ATXN7: variants seen among roughly 807,000 people sequenced by gnomAD.
ATXN7 encodes the protein ataxin 7, also known as ataxin-7.
In ATXN7, 12 loss-of-function variants were observed where a neutral mutation model predicts 70.5. That is an observed-to-expected ratio of 0.17 (90% confidence interval 0.11 to 0.28). ATXN7 has a LOEUF of 0.28. ATXN7 is among the 10% of genes least tolerant of loss of function. The pLI, the probability that ATXN7 is intolerant of heterozygous loss-of-function variation, is 1.00. For missense variants in ATXN7, 1,256 were observed against 1,131.7 expected (o/e 1.11, Z -1.58); for synonymous variants, 498 against 448.7 (o/e 1.11, Z -1.39).
intron 5 of ATXN7, among the ~76,000 whole-genome samples, chr3:63,973,076 A>C (rs2075339831): frequency 6.6e-6 from 1 of 152,164 alleles, no homozygotes; most frequent in South Asian, 2.1e-4. Flanking sequence ...TAGGCTTGGC[A>C]ACTGAAGACG....
chr3:63,980,599 T>C (rs1201354487), intron 6 of ATXN7: 2 of 181,970 alleles, frequency 1.1e-5, no homozygotes, highest in Non-Finnish European at 2.4e-5. Flanking sequence ...CTGTAGGGGT[T>C]TGGGCAAGGC....
chr3:63,979,907 G>C lies in ATXN7; in HGVS notation c.500-8G>C, dbSNP rs56015875. On this transcript the variant is annotated splice_region_variant and splice_polypyrimidine_tract_variant and intron_variant, in intron 5 of 12. Coordinates refer to ENST00000674280, the MANE Select transcript of ATXN7 (RefSeq NM_001377405.1). ...ATGATGTCTTTTTTTCTTTGCTTTC[G>C]TTTTCAGAAAGAAGACATAGCTCAT... 6.2e-7 allele frequency: 1 copy of C among 1,610,830 alleles called. No homozygotes were observed. Among genetic ancestry groups the C allele is most frequent in the Non-Finnish European group, 8.5e-7 (1 of 1,178,378 alleles).
At chr3:63,909,381 C>T (rs1327453266) in intron 2 of ATXN7, among the ~76,000 whole-genome samples, 1 of 152,104 alleles carries the variant, frequency 6.6e-6, no homozygotes, top group Non-Finnish European at 1.5e-5. Flanking sequence ...GCCTGGGCAA[C>T]ATAGTGAGAC....
intron 12 of ATXN7, among the ~76,000 whole-genome samples, chr3:63,996,855 G>A (rs771922987): frequency 2.0e-5 from 3 of 152,192 alleles, no homozygotes; most frequent in Non-Finnish European, 4.4e-5. Flanking sequence ...TGCCATTCGA[G>A]GCTTTAAGGA....
Position 63,991,481 on chromosome 3 carries a change from T to C in ATXN7, c.1682+622T>C, listed in dbSNP as rs186913224. 2.1e-4 allele frequency among the ~76,000 whole-genome samples: 32 copies of C among 152,096 alleles called. 2 individuals carry two copies. The East Asian group carries it at 6.0e-3, about 29-fold the overall frequency. On this transcript the variant is annotated intron_variant, in intron 11 of 12. Transcript: ENST00000674280. ...CTGAAGAAAGAGGCAGTCCTTGAAC[T>C]GAGAAGGATGGATGAGAAACAGCAG...
chr3:63,893,820 C>CTGT (rs1703360435), intron 1 of ATXN7, among the ~76,000 whole-genome samples: 3 of 86,720 alleles, frequency 3.5e-5, no homozygotes, highest in African/African-American at 9.2e-5. Flanking sequence ...GAGGGGAATA[C>CTGT]AGTAGCACCA....
At chr3:63,987,590 G>A (rs1242915577) in intron 8 of ATXN7, among the ~76,000 whole-genome samples, 1 of 152,112 alleles carries the variant, frequency 6.6e-6, no homozygotes, top group African/African-American at 2.4e-5. Context: ...TTATTCTGTG[G>A]AAGTTACTAA....
intron 1 of ATXN7, chr3:63,878,446 T>G (rs1206102911): frequency 6.6e-6 from 1 of 152,250 alleles, no homozygotes; most frequent in East Asian, 1.9e-4. Flanking sequence ...AAGGTGTCGT[T>G]TCTGCTCCCA....
At position 63,912,643 on chromosome 3, in the gene ATXN7, CGCGGCGGCGGCGGCGGGCGGAGCA is replaced by C; in HGVS notation, c.51_74del (p.Gly21_Ala28del). On this transcript the variant is annotated inframe_deletion, in exon 3 of 13. Transcript: ENST00000674280. ...ATGACGTCAGGGGGGAGCCGCGCCG[CGCGGCGGCGGCGGCGGGCGGAGCA>C]GCGGCCGCGGCCGCCCGGCAGCAGC... 9.7e-7 allele frequency: 1 copy of C among 1,027,610 alleles called. No homozygotes were observed. The highest frequency in any genetic ancestry group is 1.2e-6 in the Non-Finnish European group (1 of 847,986). 63.7% of individuals were successfully genotyped at this position (1,027,610 alleles called of 1,614,324 possible).
intron 4 of ATXN7, among the ~76,000 whole-genome samples, chr3:63,949,009 AT>A (rs1233787563): frequency 2.0e-5 from 3 of 152,184 alleles, no homozygotes; most frequent in South Asian, 2.1e-4. Context: ...TAATGAATTC[AT>A]TTTTATTAAT....
intron 9 of ATXN7, among the ~76,000 whole-genome samples, chr3:63,989,095 G>T (rs924234140): frequency 3.9e-5 from 6 of 152,202 alleles, no homozygotes; most frequent in African/African-American, 1.4e-4. Flanking sequence ...TAAAATGGTT[G>T]CATAAAGGTG....
chr3:64,003,360 G>T lies in ATXN7; in HGVS notation c.*3893G>T, dbSNP rs2106824158. The stretch of plus-strand genomic sequence containing the variant: ...TATAGAACATGAACAAATGTCAAGG[G>T]ATAGAAAATTACTTTGGATATTTAA... On this transcript the variant is annotated 3_prime_UTR_variant, in exon 13 of 13. Transcript: ENST00000674280. 1 of 152,000 alleles carries T rather than the reference G, an allele frequency of 6.6e-6. No individual in the cohort carries two copies. The highest frequency in any genetic ancestry group is 2.1e-4 in the South Asian group (1 of 4,818). 9.4% of individuals were successfully genotyped at this position (152,000 alleles called of 1,614,324 possible).
At chr3:63,950,963 C>G (rs755981961) in intron 4 of ATXN7, among the ~76,000 whole-genome samples, 6 of 152,108 alleles carry the variant, frequency 3.9e-5, no homozygotes, top group African/African-American at 1.4e-4. Flanking sequence ...GTAAGAAATC[C>G]AAGCCACATT....
At chr3:63,979,627 AAAAGGCAATATT>A (rs1159969104) in intron 5 of ATXN7, among the ~76,000 whole-genome samples, 1 of 152,298 alleles carries the variant, frequency 6.6e-6, no homozygotes, top group East Asian at 1.9e-4. Context: ...CGCAAAACCC[AAAAGGCAATATT>A]CTCATGTTTA....
intron 5 of ATXN7, among the ~76,000 whole-genome samples, chr3:63,961,529 G>T (rs2075131476): frequency 6.6e-6 from 1 of 152,020 alleles, no homozygotes; most frequent in Non-Finnish European, 1.5e-5. Context: ...TCTGATTTGG[G>T]TTGCCACAAT....
chr3:63,911,253 A>G (rs2107291502), intron 2 of ATXN7, among the ~76,000 whole-genome samples: 1 of 152,302 alleles, frequency 6.6e-6, no homozygotes, highest in Admixed American at 6.5e-5. Flanking sequence ...GTGGTCTGCT[A>G]CTGTTTCAAG....
intron 4 of ATXN7, among the ~76,000 whole-genome samples, chr3:63,925,750 G>A (rs1023185962): frequency 2.0e-5 from 3 of 152,158 alleles, no homozygotes; most frequent in East Asian, 1.9e-4. Flanking sequence ...CAGAGCACTG[G>A]GGTGAAGAAG....
intron 5 of ATXN7, among the ~76,000 whole-genome samples, chr3:63,977,416 C>T (rs777074060): frequency 2.0e-5 from 3 of 152,124 alleles, no homozygotes; most frequent in Non-Finnish European, 4.4e-5. Flanking sequence ...CTAGAGTGTA[C>T]TTCTTAAAAG....
intron 4 of ATXN7, among the ~76,000 whole-genome samples, chr3:63,949,947 A>G (rs190007978): frequency 6.6e-6 from 1 of 152,334 alleles, no homozygotes; most frequent in East Asian, 1.9e-4. Flanking sequence ...TTAGAAATAA[A>G]TGGGAAAAAC....
Sources: gnomAD v4.1 joint callset for allele counts (sites outside exome capture counted in the v4.1 genomes callset) on GRCh38, gnomAD v4.1.1 for gene constraint, MANE v1.5 for transcripts, NCBI Gene and HGNC (gene_info 2026-07-23, HGNC 2026-07-21) for gene names.